The following IL19 variants were observed in gnomAD, a reference collection of about 807,000 sequenced individuals.
The protein encoded by IL19 is interleukin-19.
In IL19, 15 loss-of-function variants were observed where a neutral mutation model predicts 19.5. That is an observed-to-expected ratio of 0.77 (90% confidence interval 0.52 to 1.19). The LOEUF (loss-of-function observed/expected upper bound fraction) is 1.19. Among genes scored for constraint, IL19 ranks in the 50% most tolerant of loss-of-function variants. The pLI is 0.00. For synonymous variants in IL19, 78 were observed against 78.3 expected (o/e 1.00, Z 0.02); for missense variants, 199 against 213.1 (o/e 0.93, Z 0.41).
intron 2 of IL19, among the ~76,000 whole-genome samples, chr1:206,802,724 A>G (rs114476874): frequency 0.013 from 1,973 of 152,052 alleles, 46 homozygotes; most frequent in African/African-American, 0.045. Context: ...TTCTCTTCCA[A>G]CACTGTCCCT....
intron 1 of IL19, among the ~76,000 whole-genome samples, chr1:206,797,293 C>CTT (rs1238698244): frequency 1.5e-4 from 5 of 33,722 alleles, no homozygotes; most frequent in Non-Finnish European, 3.3e-4. Flanking sequence ...GTAGAATTCT[C>CTT]AGGCAGGAAG....
chr1:206,774,730 G>A (rs1392397965), intron 1 of IL19, among the ~76,000 whole-genome samples: 5 of 152,058 alleles, frequency 3.3e-5, no homozygotes, highest in Admixed American at 2.0e-4. Context: ...TAATCTTTGC[G>A]TACTTGGTAC....
intron 2 of IL19, among the ~76,000 whole-genome samples, chr1:206,832,825 A>G (rs1197281166): frequency 2.0e-5 from 3 of 152,164 alleles, no homozygotes; most frequent in Non-Finnish European, 4.4e-5. Context: ...CTCAACACTT[A>G]CCATTTTATT....
intron 2 of IL19, among the ~76,000 whole-genome samples, chr1:206,835,875 A>T (rs1676773683): frequency 6.6e-6 from 1 of 152,402 alleles, no homozygotes; most frequent in East Asian, 1.9e-4. Flanking sequence ...AAGTGGTTAA[A>T]TGAAGAGGCA....
chr1:206,842,647 C>A lies in IL19; in HGVS notation c.*25C>A. The A allele has an allele frequency of 7.4e-7, 1 of 1,343,428 alleles. No individual in the cohort carries two copies. The highest frequency in any genetic ancestry group is 1.0e-6 in the Non-Finnish European group (1 of 956,116). 83.2% of individuals were successfully genotyped at this position (1,343,428 alleles called of 1,614,324 possible). On this transcript the variant is annotated 3_prime_UTR_variant, in exon 7 of 7. Coordinates refer to ENST00000659997, the MANE Select transcript of IL19 (RefSeq NM_153758.5). Reference sequence around the variant, plus strand: ...ATGACAAGGAACCTGTATAGTGATCCAGGGATGAACACCCCCTGTGCGGTT... The same window carrying A: ...ATGACAAGGAACCTGTATAGTGATCAAGGGATGAACACCCCCTGTGCGGTT...
intron 2 of IL19, among the ~76,000 whole-genome samples, chr1:206,810,195 T>G (rs990246904): frequency 6.6e-6 from 1 of 152,214 alleles, no homozygotes. Context: ...CCAAGGAGGA[T>G]AGACTATAGC....
At chr1:206,795,209 G>C (rs1675494961) in intron 1 of IL19, among the ~76,000 whole-genome samples, 1 of 152,236 alleles carries the variant, frequency 6.6e-6, no homozygotes, top group South Asian at 2.1e-4. Flanking sequence ...ACAACAGTCT[G>C]AGGGCAGTAG....
At chr1:206,805,468 C>T (rs923670800) in intron 2 of IL19, among the ~76,000 whole-genome samples, 1 of 152,132 alleles carries the variant, frequency 6.6e-6, no homozygotes, top group South Asian at 2.1e-4. Context: ...ATCTGTGTGA[C>T]TAGAGCAAGC....
Position 206,777,275 on chromosome 1 carries a change from T to A in IL19, c.-149+6197T>A, listed in dbSNP as rs1402971231. On this transcript the variant is annotated intron_variant, in intron 1 of 6. Coordinates refer to ENST00000659997, the MANE Select transcript of IL19 (RefSeq NM_153758.5). ...AAAAAAATTTAGCTAGGTGTGGTGGTTGGCGCCTGTAGTCCCAGCTACTTG... is the reference window on the plus strand; with the variant it reads ...AAAAAAATTTAGCTAGGTGTGGTGGATGGCGCCTGTAGTCCCAGCTACTTG... 2.2e-4 allele frequency among the ~76,000 whole-genome samples: 23 copies of A among 105,130 alleles called. 3 individuals are homozygous for A. The South Asian group carries it at 6.5e-3, about 30-fold the overall frequency. The allele number at this position is 105,130 out of a possible 152,430, so 69.0% of individuals were successfully genotyped here.
intron 4 of IL19, 78 bp downstream of exon 4, chr1:206,837,101 C>A: frequency 8.8e-7 from 1 of 1,132,674 alleles, no homozygotes; most frequent in Non-Finnish European, 1.3e-6. Context: ...GAAATCCCTA[C>A]CTTGTCCCCT....
intron 2 of IL19, among the ~76,000 whole-genome samples, chr1:206,802,249 C>T (rs1675731689): frequency 6.6e-6 from 1 of 152,096 alleles, no homozygotes; most frequent in African/African-American, 2.4e-5. Flanking sequence ...AAACACATGG[C>T]TTATTGGGGC....
rs1800872 is a variant in IL19, at chr1:206,773,062, T to G, written c.-149+1984T>G. 0.69 allele frequency among the ~76,000 whole-genome samples: 104,356 copies of G among 152,058 alleles called. 36,716 individuals carry two copies. The highest frequency in any genetic ancestry group is 0.77 in the Non-Finnish European group (52,215 of 67,964). On this transcript the variant is annotated intron_variant, in intron 1 of 6. Transcript: ENST00000659997. ...CTTTCCAGAGACTGGCTTCCTACAGTACAGGCGGGGTCACAGGATGTGTTC... is the reference window on the plus strand; with the variant it reads ...CTTTCCAGAGACTGGCTTCCTACAGGACAGGCGGGGTCACAGGATGTGTTC...
intron 1 of IL19, among the ~76,000 whole-genome samples, chr1:206,786,019 G>A (rs563651031): frequency 6.6e-6 from 1 of 152,194 alleles, no homozygotes; most frequent in East Asian, 1.9e-4. Flanking sequence ...GACTTGGGGT[G>A]GGGAAGTGAA....
chr1:206,830,578 TA>T (rs1439349287), intron 2 of IL19, among the ~76,000 whole-genome samples: 26 of 115,048 alleles, frequency 2.3e-4, no homozygotes, highest in Non-Finnish European at 7.6e-5. Flanking sequence ...TTATCAGTTT[TA>T]TATATATATA....
intron 1 of IL19, among the ~76,000 whole-genome samples, chr1:206,776,006 A>G (rs2102444092): frequency 6.6e-6 from 1 of 152,310 alleles, no homozygotes; most frequent in South Asian, 2.1e-4. Flanking sequence ...TGCTTATTAT[A>G]CTGATTTTAA....
At position 206,836,816 on chromosome 1, in the gene IL19, G is replaced by A. The variant is rs376623701; in HGVS notation, c.144+10G>A. 7.4e-6 allele frequency: 12 copies of A among 1,613,950 alleles called. No individual in the cohort carries two copies. The African/African-American group carries it at 1.5e-4, about 20-fold the overall frequency. On this transcript the variant is annotated intron_variant, in intron 3 of 6. Coordinates refer to ENST00000659997, the MANE Select transcript of IL19 (RefSeq NM_153758.5). ...AATCAAAAGAGCCATCGTGAGTATG[G>A]GTTGGTGTAAAGGTGTGGATGACGG...
intron 2 of IL19, among the ~76,000 whole-genome samples, chr1:206,820,859 A>G (rs144963592): frequency 1.4e-3 from 218 of 152,164 alleles, no homozygotes; most frequent in Non-Finnish European, 2.2e-3. Context: ...TGTGTTTCCC[A>G]CAATGTGCCA....
chr1:206,837,003 G>A lies in IL19; in HGVS notation c.190G>A (p.Glu64Lys). 1 of 1,613,678 alleles carries A rather than the reference G, an allele frequency of 6.2e-7. No homozygotes were observed. Among genetic ancestry groups the A allele is most frequent in the Non-Finnish European group, 8.5e-7 (1 of 1,179,596 alleles). Residue 64 changes from glutamate (E) to lysine (K), a missense_variant, in exon 4 of 7, where the codon GAG becomes AAG. Coordinates refer to ENST00000659997, the MANE Select transcript of IL19 (RefSeq NM_153758.5). ...FPNVTILSTL[E>K]TLQIIKPLDV... ...AAATGTCACTATCCTGTCCACATTG[G>A]AGACTCTGCAGATCATTAAGGTATT...
chr1:206,792,496 G>T (rs1196521077), intron 1 of IL19, among the ~76,000 whole-genome samples: 2 of 151,886 alleles, frequency 1.3e-5, no homozygotes, highest in East Asian at 3.9e-4. Context: ...TTGCTCTGTC[G>T]CACATGCTGG....
Sources: allele counts gnomAD v4.1 joint callset (sites outside exome capture counted in the v4.1 genomes callset), GRCh38; gene constraint gnomAD v4.1.1; transcripts MANE v1.5; gene names NCBI Gene and HGNC (gene_info 2026-07-23, HGNC 2026-07-21).